RASEF: variants seen among roughly 807,000 people sequenced by gnomAD.
RASEF encodes the protein RAS and EF-hand domain containing, also known as ras and EF-hand domain-containing protein.
Under a neutral mutation model 90.1 loss-of-function variants are expected in RASEF, and 68 were observed. That is an observed-to-expected ratio of 0.75 (90% CI 0.62 to 0.92). The LOEUF is 0.92. Among genes scored for constraint, RASEF ranks in the 40% least tolerant of loss-of-function variants. The pLI, the probability that RASEF is intolerant of heterozygous loss-of-function variation, is 0.00. For missense variants in RASEF, 949 were observed against 937.2 expected (o/e 1.01, Z -0.16); for synonymous variants, 331 against 345.2 (o/e 0.96, Z 0.46).
chr9:83,074,707 C>A, the RASEF span, among the ~76,000 whole-genome samples: 1 of 152,330 alleles, frequency 6.6e-6, no homozygotes, highest in South Asian at 2.1e-4. Flanking sequence ...CACATATGGC[C>A]TGCAAAGCCT....
chr9:83,087,344 G>A, the RASEF span, among the ~76,000 whole-genome samples: 6 of 150,976 alleles, frequency 4.0e-5, no homozygotes, highest in Admixed American at 6.6e-5. Flanking sequence ...CTTCATGATG[G>A]GAGTAGTGCC....
intron 1 of RASEF, among the ~76,000 whole-genome samples, chr9:83,056,714 G>A (rs916271240): frequency 1.3e-5 from 2 of 152,250 alleles, no homozygotes; most frequent in Non-Finnish European, 2.9e-5. Flanking sequence ...TCAGGTTTGA[G>A]GAAAAGCTAG....
At chr9:83,211,532 A>C in the RASEF span, among the ~76,000 whole-genome samples, 1 of 152,232 alleles carries the variant, frequency 6.6e-6, no homozygotes, top group Admixed American at 6.5e-5. Flanking sequence ...AGAACATTTC[A>C]TCTAGGCTGG....
chr9:83,067,025 G>A (rs1055610546), upstream of RASEF, among the ~76,000 whole-genome samples: 4 of 152,148 alleles, frequency 2.6e-5, no homozygotes, highest in African/African-American at 7.2e-5. Context: ...TTCCCATAAC[G>A]GGAATGAGCA....
At chr9:83,184,038 G>A in the RASEF span, among the ~76,000 whole-genome samples, 7 of 152,106 alleles carry the variant, frequency 4.6e-5, no homozygotes, top group Admixed American at 6.6e-5. Context: ...GCTGGTCTAC[G>A]GACCACACTT....
the RASEF span, among the ~76,000 whole-genome samples, chr9:83,080,457 G>T: frequency 1.3e-5 from 2 of 152,102 alleles, no homozygotes; most frequent in Non-Finnish European, 2.9e-5. Flanking sequence ...TATGTGGCCC[G>T]CACACACTAT....
the RASEF span, among the ~76,000 whole-genome samples, chr9:83,135,669 A>G: frequency 0.085 from 12,957 of 152,188 alleles, 672 homozygotes; most frequent in Middle Eastern, 0.13. Context: ...ACTGATGGAT[A>G]ATCACCAGTC....
chr9:83,065,369 C>T (rs1321801281), upstream of RASEF, among the ~76,000 whole-genome samples: 2 of 152,162 alleles, frequency 1.3e-5, no homozygotes, highest in Admixed American at 1.3e-4. Context: ...GAGTCTCACT[C>T]ATTTTTCTGG....
At chr9:83,169,578 T>TTTTG in the RASEF span, among the ~76,000 whole-genome samples, 3 of 151,744 alleles carry the variant, frequency 2.0e-5, no homozygotes, top group Non-Finnish European at 4.4e-5. Context: ...TTTTTGTTTG[T>TTTTG]TTTGTTTGTT....
chr9:83,087,182 C>T, the RASEF span, among the ~76,000 whole-genome samples: 1 of 152,106 alleles, frequency 6.6e-6, no homozygotes, highest in African/African-American at 2.4e-5. Flanking sequence ...ATGGTAGGGA[C>T]ATTGAAGACA....
At chr9:83,150,040 C>T in the RASEF span, among the ~76,000 whole-genome samples, 2 of 152,310 alleles carry the variant, frequency 1.3e-5, no homozygotes, top group African/African-American at 4.8e-5. Context: ...AACTTGGCTA[C>T]AAATGGGGAG....
At chr9:83,094,340 T>C in the RASEF span, among the ~76,000 whole-genome samples, 1 of 146,176 alleles carries the variant, frequency 6.8e-6, no homozygotes, top group Non-Finnish European at 1.5e-5. Context: ...CTAATTAATA[T>C]TGTTTATGTT....
intron 5 of RASEF, 76 bp downstream of exon 5, chr9:83,012,358 T>G (rs940615554): frequency 2.9e-5 from 22 of 745,930 alleles, no homozygotes; most frequent in Non-Finnish European, 4.6e-5. Context: ...CTGCTCTTCC[T>G]GGAACACTGA....
chr9:83,166,503 A>C, the RASEF span, among the ~76,000 whole-genome samples: 1 of 152,252 alleles, frequency 6.6e-6, no homozygotes, highest in Admixed American at 6.5e-5. Context: ...CCAACCAGAA[A>C]GACAAGTCCA....
chr9:83,031,324 C>G (rs1030614928), intron 1 of RASEF, among the ~76,000 whole-genome samples: 1 of 152,112 alleles, frequency 6.6e-6, no homozygotes, highest in Non-Finnish European at 1.5e-5. Flanking sequence ...ACTACCCACT[C>G]TTTTTTAGAA....
rs115582004 is a variant in RASEF at position 83,057,815 on chromosome 9, A to C, written c.431+4622T>G. ...TACATACATATATATATCCATATAT[A>C]CATATTCATATATACATATATTCAT... On this transcript the variant is annotated intron_variant, in intron 1 of 16. Transcript: ENST00000376447. 6.6e-3 allele frequency among the ~76,000 whole-genome samples: 957 copies of C among 145,030 alleles called. 14 individuals carry two copies. Among genetic ancestry groups the C allele is most frequent in the African/African-American group, 0.023 (905 of 39,060 alleles).
intron 3 of RASEF, among the ~76,000 whole-genome samples, chr9:83,018,138 T>G (rs776660706): frequency 6.6e-6 from 1 of 152,034 alleles, no homozygotes; most frequent in African/African-American, 2.4e-5. Context: ...ACCAGTGCAA[T>G]AAGGCAAGAA....
the RASEF span, among the ~76,000 whole-genome samples, chr9:83,100,486 C>T: frequency 3.3e-4 from 50 of 152,298 alleles, no homozygotes; most frequent in African/African-American, 1.2e-3. Flanking sequence ...GAAATACTCT[C>T]CACTCTAAAT....
the RASEF span, among the ~76,000 whole-genome samples, chr9:83,097,787 C>CT: frequency 0.024 from 3,588 of 152,230 alleles, 58 homozygotes; most frequent in Non-Finnish European, 0.038. Context: ...ATCAAGTGTG[C>CT]TAGAGGCATG....
Sources: allele counts gnomAD v4.1 joint callset (sites outside exome capture counted in the v4.1 genomes callset), GRCh38; gene constraint gnomAD v4.1.1; transcripts MANE v1.5; gene names NCBI Gene and HGNC (gene_info 2026-07-23, HGNC 2026-07-21).